Variants in PRDM5 observed in about 807,000 individuals in gnomAD.
PRDM5 encodes PR domain zinc finger protein 5.
A neutral mutation model predicts 81.2 loss-of-function variants in PRDM5; 56 were observed. The observed-to-expected ratio is 0.69, with a 90% CI of 0.56 to 0.86. The LOEUF (loss-of-function observed/expected upper bound fraction) is 0.86. Ranked by LOEUF, PRDM5 falls within the 40% of genes least tolerant of loss-of-function variation. The pLI, the probability that PRDM5 is intolerant of heterozygous loss-of-function variation, is 0.00. For synonymous variants in PRDM5, 267 were observed against 256.4 expected, an observed-to-expected ratio of 1.04 and a Z score of -0.39; for missense variants, 697 against 770.1, an observed-to-expected ratio of 0.91 and a Z score of 1.12.
intron 14 of PRDM5, among the ~76,000 whole-genome samples, chr4:120,725,720 G>A (rs533769162): frequency 4.1e-5 from 6 of 147,708 alleles, no homozygotes; most frequent in Non-Finnish European, 6.1e-5. Flanking sequence ...TGCCAACTCC[G>A]TTTCTATATT....
At chr4:120,739,129 T>C (rs1019470517) in intron 14 of PRDM5, among the ~76,000 whole-genome samples, 2 of 152,216 alleles carry the variant, frequency 1.3e-5, no homozygotes, top group East Asian at 3.9e-4. Context: ...TCCACATTAC[T>C]TGAGGTCCTC....
chr4:120,884,461 T>C (rs1036036451), intron 2 of PRDM5, among the ~76,000 whole-genome samples: 1 of 152,194 alleles, frequency 6.6e-6, no homozygotes. Flanking sequence ...CTAAAAACAC[T>C]TTCATTAAGT....
Position 120,914,800 on chromosome 4 carries a change from C to G in PRDM5, c.94-7243G>C, listed in dbSNP as rs146822485. On this transcript the variant is annotated intron_variant, in intron 1 of 15. Coordinates refer to ENST00000264808, the MANE Select transcript of PRDM5 (RefSeq NM_018699.4). ...GTGGATAAAAGAAAATGTATATATACACAATGTAATACTATTCAGCCATAA... is the reference window on the plus strand; with the variant it reads ...GTGGATAAAAGAAAATGTATATATAGACAATGTAATACTATTCAGCCATAA... Among the ~76,000 whole-genome samples the G allele has an allele frequency of 2.4e-3, 363 of 152,268 alleles. 1 individual carries two copies. The highest frequency in any genetic ancestry group is 8.4e-3 in the African/African-American group (351 of 41,544).
chr4:120,734,298 A>G (rs1186742816), intron 14 of PRDM5, among the ~76,000 whole-genome samples: 1 of 151,736 alleles, frequency 6.6e-6, no homozygotes, highest in African/African-American at 2.4e-5. Flanking sequence ...AGCAATCTTT[A>G]TAAGTATTGA....
At chr4:120,722,362 C>T (rs1389802577) in intron 14 of PRDM5, among the ~76,000 whole-genome samples, 2 of 151,990 alleles carry the variant, frequency 1.3e-5, no homozygotes, top group South Asian at 2.1e-4. Flanking sequence ...TCTTGGGTGA[C>T]TCTGCTTCCT....
At chr4:120,775,931 T>C (rs1308641864) in intron 13 of PRDM5, among the ~76,000 whole-genome samples, 1 of 152,104 alleles carries the variant, frequency 6.6e-6, no homozygotes, top group Non-Finnish European at 1.5e-5. Flanking sequence ...CTGTTCCCTC[T>C]TCATTAGTTC....
At chr4:120,811,279 A>T in intron 8 of PRDM5, 91 bp downstream of exon 8, 1 of 807,734 alleles carries the variant, frequency 1.2e-6, no homozygotes. Context: ...TTTCACATCA[A>T]AATAACTTGG....
At chr4:120,736,792 C>T (rs902575177) in intron 14 of PRDM5, among the ~76,000 whole-genome samples, 1 of 152,182 alleles carries the variant, frequency 6.6e-6, no homozygotes, top group African/African-American at 2.4e-5. Flanking sequence ...ATCCAAGAAA[C>T]ACAGTCTTTA....
At chr4:120,856,331 T>A (rs1391650714) in intron 2 of PRDM5, among the ~76,000 whole-genome samples, 2 of 152,228 alleles carry the variant, frequency 1.3e-5, no homozygotes, top group African/African-American at 4.8e-5. Flanking sequence ...ATATACTACA[T>A]TACCTACATA....
chr4:120,763,816 C>T (rs574360967), intron 13 of PRDM5, among the ~76,000 whole-genome samples: 1 of 151,310 alleles, frequency 6.6e-6, no homozygotes, highest in South Asian at 2.1e-4. Context: ...GGTGCCTGCA[C>T]AAAGAGGAGT....
At chr4:120,769,527 G>A (rs1460611411) in intron 13 of PRDM5, among the ~76,000 whole-genome samples, 2 of 152,088 alleles carry the variant, frequency 1.3e-5, no homozygotes, top group Non-Finnish European at 2.9e-5. Context: ...AAAAGTCTAG[G>A]GCATTCATTT....
rs141235252 is a variant in PRDM5 at position 120,702,632 on chromosome 4, T to G, written c.1729-7357A>C. 2.9e-3 allele frequency among the ~76,000 whole-genome samples: 440 copies of G among 152,310 alleles called. 3 individuals carry two copies. The highest frequency in any genetic ancestry group is 3.8e-3 in the Non-Finnish European group (256 of 68,024). ...GTTGATAGATTCAATGATTGATTGA[T>G]TAAATCTCTATGGACAATATAAGTA... On this transcript the variant is annotated intron_variant, in intron 15 of 15. Coordinates refer to ENST00000264808, the MANE Select transcript of PRDM5 (RefSeq NM_018699.4).
chr4:120,892,193 GT>G (rs200020290), intron 2 of PRDM5, among the ~76,000 whole-genome samples: 4 of 151,072 alleles, frequency 2.6e-5, no homozygotes, highest in East Asian at 1.9e-4. Context: ...TGATTTTAGG[GT>G]TTTTTTTTCT....
chr4:120,793,760 C>A (rs1450291938), intron 10 of PRDM5, among the ~76,000 whole-genome samples: 1 of 151,356 alleles, frequency 6.6e-6, no homozygotes, highest in South Asian at 2.1e-4. Flanking sequence ...GTGGTGAGAA[C>A]ACTTAAAATT....
intron 13 of PRDM5, among the ~76,000 whole-genome samples, chr4:120,758,676 A>G (rs1370594106): frequency 6.6e-6 from 1 of 152,078 alleles, no homozygotes; most frequent in Non-Finnish European, 1.5e-5. Context: ...CAGAACTGAG[A>G]GGTGACACAG....
intron 2 of PRDM5, among the ~76,000 whole-genome samples, chr4:120,874,009 G>T (rs771054115): frequency 4.6e-5 from 7 of 151,970 alleles, no homozygotes; most frequent in Non-Finnish European, 8.8e-5. Flanking sequence ...ATGGGGTATG[G>T]TGTGCTATTT....
chr4:120,909,493 G>A (rs963756548), intron 1 of PRDM5, among the ~76,000 whole-genome samples: 12 of 152,072 alleles, frequency 7.9e-5, no homozygotes, highest in African/African-American at 2.7e-4. Flanking sequence ...TTCCATTTTC[G>A]GTCCACTCTG....
intron 10 of PRDM5, among the ~76,000 whole-genome samples, chr4:120,786,584 T>C (rs1256651998): frequency 3.9e-5 from 6 of 152,076 alleles, no homozygotes; most frequent in Non-Finnish European, 7.4e-5. Context: ...ATAAGATAAA[T>C]TGCAAATCAA....
intron 13 of PRDM5, among the ~76,000 whole-genome samples, chr4:120,767,859 G>A (rs540870041): frequency 1.3e-5 from 2 of 152,250 alleles, no homozygotes; most frequent in South Asian, 2.1e-4. Flanking sequence ...GATAGTGAGC[G>A]AGTGTCACAA....
Sources: allele counts gnomAD v4.1 joint callset (sites outside exome capture counted in the v4.1 genomes callset), GRCh38; gene constraint gnomAD v4.1.1; transcripts MANE v1.5; gene names NCBI Gene and HGNC (gene_info 2026-07-23, HGNC 2026-07-21).